XKR4: variants seen among roughly 807,000 people sequenced by gnomAD.
The protein encoded by XKR4 is XK related 4.
Under a neutral mutation model 53.9 loss-of-function variants are expected in XKR4, and 12 were observed. That is an observed-to-expected ratio of 0.22 (90% CI 0.14 to 0.36). The LOEUF is 0.36. XKR4 is among the 10% of genes least tolerant of loss of function. The probability of loss-of-function intolerance (pLI) is 1.00; values close to 1 mark genes in which losing one functional copy is unlikely to be tolerated. For missense variants in XKR4, 799 were observed against 859.5 expected (o/e 0.93, Z 0.88); for synonymous variants, 354 against 362.4 (o/e 0.98, Z 0.26).
chr8:55,135,634 G>C (rs540160567), intron 1 of XKR4: 3 of 456,098 alleles, frequency 6.6e-6, no homozygotes, highest in Non-Finnish European at 1.3e-5. Context: ...AGGACAGATG[G>C]CTCCCTGGAT....
intron 1 of XKR4, among the ~76,000 whole-genome samples, chr8:55,327,270 A>T (rs1169873555): frequency 6.6e-6 from 1 of 152,176 alleles, no homozygotes; most frequent in Admixed American, 6.5e-5. Context: ...CTTTTATTGA[A>T]GTCGCTAGGT....
At chr8:55,450,909 A>T (rs1005391010) in intron 2 of XKR4, 3 of 479,606 alleles carry the variant, frequency 6.3e-6, no homozygotes, top group African/African-American at 4.0e-5. Context: ...CAGCTTGTGG[A>T]TCTGAATCAG....
intron 2 of XKR4, among the ~76,000 whole-genome samples, chr8:55,496,165 C>G (rs970877840): frequency 1.3e-5 from 2 of 152,142 alleles, no homozygotes; most frequent in Admixed American, 6.5e-5. Flanking sequence ...GCAATAAGTA[C>G]TCGCATACTG....
intron 2 of XKR4, among the ~76,000 whole-genome samples, chr8:55,364,224 T>C (rs1228009809): frequency 2.6e-5 from 4 of 152,200 alleles, no homozygotes; most frequent in Non-Finnish European, 4.4e-5. Context: ...ACGTCCTTAA[T>C]GGTACTGGAA....
chr8:55,316,766 C>G (rs1387901883), intron 1 of XKR4, among the ~76,000 whole-genome samples: 1 of 152,098 alleles, frequency 6.6e-6, no homozygotes, highest in Non-Finnish European at 1.5e-5. Context: ...CTACCGCAAC[C>G]CCCAAGCATA....
intron 1 of XKR4, among the ~76,000 whole-genome samples, chr8:55,247,385 A>G (rs931917351): frequency 2.6e-5 from 4 of 152,208 alleles, no homozygotes; most frequent in African/African-American, 9.7e-5. Context: ...AATAGACTTT[A>G]TATGACATTG....
Position 55,524,998 on chromosome 8 carries a change from A to C in XKR4, c.*771A>C, listed in dbSNP as rs2129406164. On this transcript the variant is annotated 3_prime_UTR_variant, in exon 3 of 3. Coordinates refer to ENST00000327381, the MANE Select transcript of XKR4 (RefSeq NM_052898.2). ...AGGAGCTCAATAACTTCATGATGTAAATTAAATAGTAATCATGATTCAGTA... is the reference window on the plus strand; with the variant it reads ...AGGAGCTCAATAACTTCATGATGTACATTAAATAGTAATCATGATTCAGTA... 1 of 152,794 alleles carries C rather than the reference A, an allele frequency of 6.5e-6. No individual in the cohort carries two copies. The highest frequency in any genetic ancestry group is 6.5e-5 in the Admixed American group (1 of 15,306). 9.5% of individuals were successfully genotyped at this position (152,794 alleles called of 1,614,324 possible).
In XKR4 at chr8:55,103,066, A is replaced by G. The variant is rs1284507714; in HGVS notation, c.578A>G (p.Lys193Arg). 1 of 1,612,788 alleles carries G rather than the reference A, an allele frequency of 6.2e-7. No individual in the cohort carries two copies. The highest frequency in any genetic ancestry group is 8.5e-7 in the Non-Finnish European group (1 of 1,179,750). The change falls in exon 1 of 3, where the codon AAG becomes AGG. Residue 193 changes from lysine to arginine, a missense_variant. Lys to Arg is a conservative substitution (Grantham distance 26, BLOSUM62 2). Transcript: ENST00000327381. ...SSCPQPGADC[K>R]TVVGGGSAAG... is the part of the protein sequence containing the mutation. The stretch of plus-strand genomic sequence containing the variant: ...TGCCCGCAGCCTGGAGCCGATTGCA[A>G]GACGGTGGTCGGCGGTGGGTCTGCA...
chr8:55,453,178 G>A, intron 2 of XKR4: 1 of 503,316 alleles, frequency 2.0e-6, no homozygotes, highest in Non-Finnish European at 4.0e-6. Context: ...CTCCTGCACA[G>A]AGCTGTAAGA....
chr8:55,248,137 G>A (rs977729325), intron 1 of XKR4, among the ~76,000 whole-genome samples: 1 of 151,984 alleles, frequency 6.6e-6, no homozygotes, highest in Non-Finnish European at 1.5e-5. Flanking sequence ...TTACAGGCGT[G>A]AGCCACCATG....
At chr8:55,515,400 T>C (rs1384066380) in intron 2 of XKR4, among the ~76,000 whole-genome samples, 1 of 152,038 alleles carries the variant, frequency 6.6e-6, no homozygotes, top group Non-Finnish European at 1.5e-5. Context: ...GAGGTTGTCG[T>C]GTTTTTTTTT....
rs73589714 is a variant in XKR4 at position 55,352,002 on chromosome 8, A to T, written c.807-5676A>T. On this transcript the variant is annotated intron_variant, in intron 1 of 2. Coordinates refer to ENST00000327381, the MANE Select transcript of XKR4 (RefSeq NM_052898.2). Reference sequence around the variant, plus strand: ...ATTGAGTGCTTATTAATCATCAGAAACTGAGCCAGATGTTTCTTTATAGGG... The same window carrying T: ...ATTGAGTGCTTATTAATCATCAGAATCTGAGCCAGATGTTTCTTTATAGGG... Among the ~76,000 whole-genome samples the T allele has an allele frequency of 8.4e-3, 1,285 of 152,370 alleles. 23 individuals carry two copies. The highest frequency in any genetic ancestry group is 0.029 in the African/African-American group (1,222 of 41,586).
chr8:55,516,982 A>G (rs546190580), intron 2 of XKR4, among the ~76,000 whole-genome samples: 1 of 152,336 alleles, frequency 6.6e-6, no homozygotes, highest in South Asian at 2.1e-4. Context: ...GCAGCAACAT[A>G]GATGGAACTG....
At chr8:55,103,618 T>A (rs1356217519) in intron 1 of XKR4, among the ~76,000 whole-genome samples, 1 of 151,906 alleles carries the variant, frequency 6.6e-6, no homozygotes, top group Non-Finnish European at 1.5e-5. Flanking sequence ...TTAGTGATAT[T>A]GTTTCAGTGA....
Position 55,136,747 on chromosome 8 carries a change from T to C in XKR4, c.806+33453T>C, listed in dbSNP as rs1480586422. ...TTTAGTGATGGAGACTTTAAAATGG[T>C]AGATATAAAAAAAGTGAGAAAGTCT... On this transcript the variant is annotated intron_variant, in intron 1 of 2. Transcript: ENST00000327381. 2.6e-5 allele frequency among the ~76,000 whole-genome samples: 4 copies of C among 152,194 alleles called. No individual in the cohort carries two copies. The East Asian group carries it at 7.7e-4, about 29-fold the overall frequency.
chr8:55,254,112 G>A (rs767353394), intron 1 of XKR4, among the ~76,000 whole-genome samples: 1 of 151,908 alleles, frequency 6.6e-6, no homozygotes, highest in Non-Finnish European at 1.5e-5. Flanking sequence ...TTGCTGTAGT[G>A]AAGTTGTTAC....
In XKR4 at chr8:55,529,822, G is replaced by C. The variant is rs1397759488; in HGVS notation, c.*5595G>C. 6.6e-6 allele frequency: 1 copy of C among 152,110 alleles called. No individual in the cohort carries two copies. The highest frequency in any genetic ancestry group is 1.9e-4 in the East Asian group (1 of 5,204). 9.4% of individuals were successfully genotyped at this position (152,110 alleles called of 1,614,324 possible). On this transcript the variant is annotated 3_prime_UTR_variant, in exon 3 of 3. Transcript: ENST00000327381. ...TCAAAGATGTCCTTCAAAATGAACAGTTAAAAATGTAAAAGTCGATGTAAA... is the reference window on the plus strand; with the variant it reads ...TCAAAGATGTCCTTCAAAATGAACACTTAAAAATGTAAAAGTCGATGTAAA...
chr8:55,145,453 T>G (rs781083759), intron 1 of XKR4, among the ~76,000 whole-genome samples: 3 of 151,852 alleles, frequency 2.0e-5, no homozygotes. Flanking sequence ...GTAATTTCCC[T>G]AAGAGGATTG....
chr8:55,386,103 G>C (rs529362835), intron 2 of XKR4, among the ~76,000 whole-genome samples: 7 of 152,194 alleles, frequency 4.6e-5, no homozygotes, highest in Non-Finnish European at 1.0e-4. Context: ...ACATCAAAAT[G>C]CTTATCCATT....
Sources: gnomAD v4.1 joint callset for allele counts (sites outside exome capture counted in the v4.1 genomes callset) on GRCh38, gnomAD v4.1.1 for gene constraint, MANE v1.5 for transcripts, NCBI Gene and HGNC (gene_info 2026-07-23, HGNC 2026-07-21) for gene names.